Variants in SASH1 observed in about 807,000 individuals in gnomAD.
The protein encoded by SASH1 is SAM and SH3 domain-containing protein 1.
Under a neutral mutation model 125.2 loss-of-function variants are expected in SASH1, and 44 were observed. The observed-to-expected ratio is 0.35, with a 90% CI of 0.28 to 0.45. The LOEUF (loss-of-function observed/expected upper bound fraction) is 0.45. Among genes scored for constraint, SASH1 ranks in the 20% least tolerant of loss-of-function variants. The pLI is 1.00. For synonymous variants in SASH1, 639 were observed against 649.1 expected (o/e 0.98, Z 0.24); for missense variants, 1,426 against 1,614.5 (o/e 0.88, Z 2.00).
upstream of SASH1, among the ~76,000 whole-genome samples, chr6:148,271,724 T>G (rs985915225): frequency 1.3e-5 from 2 of 152,170 alleles, no homozygotes; most frequent in Non-Finnish European, 2.9e-5. Flanking sequence ...GAGGACATTC[T>G]GAGATGTACA....
intron 1 of SASH1, among the ~76,000 whole-genome samples, chr6:148,337,711 A>T (rs1163080281): frequency 6.6e-6 from 1 of 152,186 alleles, no homozygotes. Flanking sequence ...TTATCTGTAC[A>T]TACGTGTGTA....
At position 148,532,412 on chromosome 6, in the gene SASH1, G is replaced by T. The variant is rs1010509339; in HGVS notation, c.1565-385G>T. Among the ~76,000 whole-genome samples, 2 of 152,254 alleles carry T rather than the reference G, an allele frequency of 1.3e-5. No individual in the cohort carries two copies. The highest frequency in any genetic ancestry group is 2.1e-4 in the South Asian group (1 of 4,822). On this transcript the variant is annotated intron_variant, in intron 13 of 19. Transcript: ENST00000367467. This position sits in a 1 kb window ranked among gnomAD's most constrained non-coding sequence, Gnocchi z 4.7. The stretch of plus-strand genomic sequence containing the variant: ...CTTTAAGCTCTTTCTTACCCTTTTG[G>T]GCAAATGACATGACTGCTCTGAATT...
At chr6:148,300,423 T>C (rs1169606598) in intron 1 of SASH1, among the ~76,000 whole-genome samples, 2 of 145,846 alleles carry the variant, frequency 1.4e-5, no homozygotes, top group Non-Finnish European at 3.0e-5. Flanking sequence ...AAACAACAAC[T>C]TTACCTCTCA....
chr6:148,209,526 C>T, the SASH1 span, among the ~76,000 whole-genome samples: 1 of 152,188 alleles, frequency 6.6e-6, no homozygotes, highest in Non-Finnish European at 1.5e-5. Flanking sequence ...GTTCTTGAGT[C>T]CTGGAAGAAA....
chr6:148,309,047 G>A (rs1780223249), intron 1 of SASH1, among the ~76,000 whole-genome samples: 1 of 132,198 alleles, frequency 7.6e-6, no homozygotes, highest in Admixed American at 8.9e-5. Flanking sequence ...TTTCACCATT[G>A]CACTCCAATT....
At chr6:148,205,108 T>C in the SASH1 span, among the ~76,000 whole-genome samples, 1,378 of 152,328 alleles carry the variant, frequency 9.0e-3, 15 homozygotes, top group Non-Finnish European at 0.015. Context: ...CAGATGTCTA[T>C]TGGTCAGTCC....
chr6:148,502,856 C>T (rs567521402), intron 8 of SASH1, among the ~76,000 whole-genome samples: 2 of 152,340 alleles, frequency 1.3e-5, no homozygotes, highest in African/African-American at 4.8e-5. Flanking sequence ...CTTCCCCTCA[C>T]GGAAGTGTGC....
chr6:148,388,009 G>A (rs372478000), intron 1 of SASH1, among the ~76,000 whole-genome samples: 4 of 141,346 alleles, frequency 2.8e-5, no homozygotes, highest in African/African-American at 1.1e-4. Context: ...TCTGACTCCC[G>A]GGTTCAAGTG....
At chr6:148,291,508 C>T (rs1362872580) in intron 1 of SASH1, among the ~76,000 whole-genome samples, 1 of 152,084 alleles carries the variant, frequency 6.6e-6, no homozygotes, top group Non-Finnish European at 1.5e-5. Flanking sequence ...TGACGAAACT[C>T]TGTCTCTAAA....
At chr6:148,348,402 A>C (rs1781587449) in intron 1 of SASH1, among the ~76,000 whole-genome samples, 1 of 151,990 alleles carries the variant, frequency 6.6e-6, no homozygotes, top group African/African-American at 2.4e-5. Context: ...TTCTGCCTTT[A>C]TTTGCTGTTC....
chr6:148,443,755 G>A (rs1037209589), intron 4 of SASH1, among the ~76,000 whole-genome samples: 1 of 152,014 alleles, frequency 6.6e-6, no homozygotes, highest in African/African-American at 2.4e-5. Flanking sequence ...TCCTAAGTCA[G>A]ATTATAATTT....
intron 1 of SASH1, among the ~76,000 whole-genome samples, chr6:148,306,283 G>A (rs1780128678): frequency 6.6e-6 from 1 of 152,146 alleles, no homozygotes; most frequent in Admixed American, 6.5e-5. Context: ...CAGGAAGTCA[G>A]GATGCCATCT....
chr6:148,264,963 G>A, the SASH1 span, among the ~76,000 whole-genome samples: 1 of 152,338 alleles, frequency 6.6e-6, no homozygotes. Context: ...GTCTAGTACA[G>A]ACCACGTGCT....
chr6:148,503,904 C>T (rs1779662377), intron 8 of SASH1, among the ~76,000 whole-genome samples: 1 of 152,170 alleles, frequency 6.6e-6, no homozygotes, highest in Non-Finnish European at 1.5e-5. Context: ...CGTCATTTCT[C>T]TTACTACTTT....
chr6:148,547,381 A>T (rs916583106), intron 19 of SASH1, among the ~76,000 whole-genome samples: 6 of 152,194 alleles, frequency 3.9e-5, no homozygotes, highest in Non-Finnish European at 8.8e-5. Context: ...ATTTCTTCAG[A>T]CTACTCAGAA....
At chr6:148,351,650 C>CTT (rs67177596) in intron 1 of SASH1, among the ~76,000 whole-genome samples, 21,828 of 115,862 alleles carry the variant, frequency 0.19, 2,991 homozygotes, top group African/African-American at 0.36. Flanking sequence ...TTACTCACCG[C>CTT]TTTTTTTTTT....
At chr6:148,279,077 C>T (rs1779265705) in intron 1 of SASH1, among the ~76,000 whole-genome samples, 1 of 151,886 alleles carries the variant, frequency 6.6e-6, no homozygotes, top group South Asian at 2.1e-4. Context: ...CTGCCACCCC[C>T]GCCTCCTGAG....
intron 1 of SASH1, among the ~76,000 whole-genome samples, chr6:148,384,859 G>A (rs2114798136): frequency 6.6e-6 from 1 of 152,224 alleles, no homozygotes; most frequent in South Asian, 2.1e-4. Flanking sequence ...CATTCCCAGA[G>A]TTTCCTCCCA....
chr6:148,477,707 T>G (rs1242442401), intron 7 of SASH1, among the ~76,000 whole-genome samples: 1 of 148,116 alleles, frequency 6.8e-6, no homozygotes, highest in Non-Finnish European at 1.5e-5. Context: ...TTTTTTTTTT[T>G]TTTTTTTTGA....
Sources: gnomAD v4.1 joint callset for allele counts (sites outside exome capture counted in the v4.1 genomes callset) on GRCh38, gnomAD v4.1.1 for gene constraint, Gnocchi (gnomAD v3.1) non-coding constraint, MANE v1.5 for transcripts, NCBI Gene and HGNC (gene_info 2026-07-23, HGNC 2026-07-21) for gene names.